The following TRPS1 variants were observed in gnomAD, a reference collection of about 807,000 sequenced individuals.
TRPS1 encodes zinc finger transcription factor Trps1.
TRPS1 carries 6 observed loss-of-function variants against 101.2 expected under a neutral mutation model. That is an observed-to-expected ratio of 0.06 (90% CI 0.03 to 0.12). TRPS1 has a LOEUF of 0.12. TRPS1 is among the 10% of genes least tolerant of loss of function. TRPS1 has a pLI of 1.00. For missense variants in TRPS1, 1,363 were observed against 1,567.0 expected, an observed-to-expected ratio of 0.87 and a Z score of 2.20; for synonymous variants, 578 against 589.8, an observed-to-expected ratio of 0.98 and a Z score of 0.29.
Position 115,418,224 on chromosome 8 carries a change from C to T in TRPS1, c.2823+106G>A. ...TCAAAGTGACTGTATTAAAACAACC[C>T]TGCGGGGGCAGGCACTGCAAGCCAG... On this transcript the variant is annotated intron_variant, in intron 6 of 6. Transcript: ENST00000395715. This position sits in a 1 kb window ranked among gnomAD's most constrained non-coding sequence, Gnocchi z 4.3. The T allele has an allele frequency of 6.3e-7, 1 of 1,595,892 alleles. No individual in the cohort carries two copies. Among genetic ancestry groups the T allele is most frequent in the Non-Finnish European group, 8.6e-7 (1 of 1,165,956 alleles).
chr8:115,505,471 C>T (rs756022331), intron 5 of TRPS1, among the ~76,000 whole-genome samples: 2 of 152,048 alleles, frequency 1.3e-5, no homozygotes, highest in Admixed American at 6.6e-5. Context: ...ACACACTTCA[C>T]CAGTTTTTTA....
chr8:115,542,206 A>C (rs1298583615), intron 5 of TRPS1, among the ~76,000 whole-genome samples: 2 of 152,202 alleles, frequency 1.3e-5, no homozygotes, highest in Non-Finnish European at 2.9e-5. Flanking sequence ...GACTGTGTAC[A>C]CATCAGTCAG....
chr8:115,553,544 AAT>A (rs1208490266), intron 5 of TRPS1, among the ~76,000 whole-genome samples: 2 of 152,170 alleles, frequency 1.3e-5, no homozygotes, highest in Non-Finnish European at 2.9e-5. Flanking sequence ...CGTTTATGAT[AAT>A]ATATGTTATT....
Position 115,411,607 on chromosome 8 carries a change from A to C in TRPS1, c.*2416T>G, listed in dbSNP as rs1812791328. On this transcript the variant is annotated 3_prime_UTR_variant, in exon 7 of 7. Transcript: ENST00000395715. Reference sequence around the variant, plus strand: ...TGGCTATACATTTTGAGATGCATCCATCAAAATTCCTAAGGAAGATAAATT... The same window carrying C: ...TGGCTATACATTTTGAGATGCATCCCTCAAAATTCCTAAGGAAGATAAATT... The C allele has an allele frequency of 6.6e-6, 1 of 152,496 alleles. No homozygotes were observed. Among genetic ancestry groups the C allele is most frequent in the South Asian group, 2.1e-4 (1 of 4,834 alleles). The allele number at this position is 152,496 out of a possible 1,614,324, so 9.4% of individuals were successfully genotyped here.
chr8:115,586,963 C>T, intron 5 of TRPS1, 38 bp downstream of exon 5: 1 of 1,612,584 alleles, frequency 6.2e-7, no homozygotes, highest in African/African-American at 1.3e-5. Context: ...TTTTGCCCTT[C>T]AAAACAAATG....
chr8:115,532,115 T>C (rs1297090489), intron 5 of TRPS1, among the ~76,000 whole-genome samples: 3 of 152,164 alleles, frequency 2.0e-5, no homozygotes, highest in Admixed American at 1.3e-4. Context: ...CAAAACGATA[T>C]ACAGATTAGA....
intron 3 of TRPS1, among the ~76,000 whole-genome samples, chr8:115,615,383 C>T (rs774094513): frequency 9.2e-5 from 14 of 152,178 alleles, no homozygotes; most frequent in Non-Finnish European, 1.6e-4. Context: ...ATGCACAGCG[C>T]ATTACACCCT....
At chr8:115,611,116 CA>C (rs752834152) in intron 3 of TRPS1, among the ~76,000 whole-genome samples, 3,927 of 64,892 alleles carry the variant, frequency 0.061, 104 homozygotes, top group African/African-American at 0.16. Context: ...GACTCCATAT[CA>C]AAAAAAAAAA....
intron 3 of TRPS1, among the ~76,000 whole-genome samples, chr8:115,609,663 T>C (rs1341235223): frequency 6.6e-6 from 1 of 152,078 alleles, no homozygotes; most frequent in East Asian, 1.9e-4. Flanking sequence ...GACTATGGAG[T>C]CCTTTGATTG....
chr8:115,414,891 T>A lies in TRPS1; in HGVS notation c.3017A>T (p.Gln1006Leu), dbSNP rs771107856. The A allele has an allele frequency of 6.2e-7, 1 of 1,612,244 alleles. No individual in the cohort carries two copies. Among genetic ancestry groups the A allele is most frequent in the South Asian group, 1.1e-5 (1 of 90,928 alleles). Residue 1006 changes from glutamine to leucine, a missense_variant, in exon 7 of 7, where the codon CAG becomes CTG. Transcript: ENST00000395715. This position sits in a 1 kb window ranked among gnomAD's most constrained non-coding sequence, Gnocchi z 4.8. ...RSEDHLTESH[Q>L]REIPLPSLSK... ...TAGGCTGGGGAGTGGAATTTCTCTC[T>A]GGTGACTTTCAGTTAGATGATCTTC...
chr8:115,456,820 G>A (rs546620960), intron 5 of TRPS1, among the ~76,000 whole-genome samples: 10 of 151,866 alleles, frequency 6.6e-5, no homozygotes, highest in Non-Finnish European at 1.2e-4. Flanking sequence ...ACCATCTGGG[G>A]TTCAAAATTT....
rs988703341 is a variant in TRPS1 at position 115,612,255 on chromosome 8, G to A, written c.966+6877C>T. The stretch of plus-strand genomic sequence containing the variant: ...ACAAAAAAGAAATCAAAGGAAAGGA[G>A]AGGAAGATGAGGAGGAGGAGGAAAG... On this transcript the variant is annotated intron_variant, in intron 3 of 6. Transcript: ENST00000395715. Among the ~76,000 whole-genome samples the A allele has an allele frequency of 2.0e-5, 3 of 151,994 alleles. No individual in the cohort carries two copies. In the East Asian group the frequency reaches 5.8e-4, roughly 29 times the overall value.
At chr8:115,456,309 T>C (rs1006036954) in intron 5 of TRPS1, among the ~76,000 whole-genome samples, 4 of 152,194 alleles carry the variant, frequency 2.6e-5, no homozygotes, top group Non-Finnish European at 5.9e-5. Flanking sequence ...AATTATTTGC[T>C]TTAAATTCTC....
intron 5 of TRPS1, among the ~76,000 whole-genome samples, chr8:115,455,267 C>T (rs944178807): frequency 5.9e-5 from 9 of 152,258 alleles, no homozygotes; most frequent in African/African-American, 1.7e-4. Context: ...TGTGTACCTC[C>T]GTAAGACATT....
At chr8:115,647,266 A>G (rs947474619) in intron 1 of TRPS1, among the ~76,000 whole-genome samples, 1 of 152,184 alleles carries the variant, frequency 6.6e-6, no homozygotes, top group Non-Finnish European at 1.5e-5. Flanking sequence ...ATATGGCCTT[A>G]CTAATATGGA....
In TRPS1 at chr8:115,452,761, G is replaced by A. The variant is rs1272479782; in HGVS notation, c.2701-34309C>T. On this transcript the variant is annotated intron_variant, in intron 5 of 6. Transcript: ENST00000395715. ...TTTATATAAATGAGATGACATTAGT[G>A]GTGTTTCCTCGAGCACAGATGTAAC... is the stretch of plus-strand genomic sequence containing the variant. 3.9e-5 allele frequency among the ~76,000 whole-genome samples: 6 copies of A among 152,146 alleles called. No individual in the cohort carries two copies. In the Middle Eastern group the frequency reaches 0.02, roughly 518 times the overall value.
At chr8:115,433,105 T>C (rs963384659) in intron 5 of TRPS1, among the ~76,000 whole-genome samples, 5 of 152,000 alleles carry the variant, frequency 3.3e-5, no homozygotes, top group Non-Finnish European at 7.4e-5. Context: ...AATATCACCA[T>C]AAAGTTTGTT....
rs376374945 is a variant in TRPS1 at position 115,545,196 on chromosome 8, C to A, written c.2700+41805G>T. Among the ~76,000 whole-genome samples the A allele has an allele frequency of 1.5e-3, 230 of 152,244 alleles. 9 individuals carry two copies. In the South Asian group the frequency reaches 0.044, roughly 29 times the overall value. On this transcript the variant is annotated intron_variant, in intron 5 of 6. Transcript: ENST00000395715. The stretch of plus-strand genomic sequence containing the variant: ...CTCAGAAACTACTATCAAATGCAGT[C>A]AAGCACAGGAAGAAAGAATACACTG...
rs1381287177 is a variant in TRPS1 at position 115,517,252 on chromosome 8, T to C, written c.2700+69749A>G. On this transcript the variant is annotated intron_variant, in intron 5 of 6. Coordinates refer to ENST00000395715, the MANE Select transcript of TRPS1 (RefSeq NM_014112.5). ...TAGATAGATATCCTAATTACTTTCT[T>C]ATACAAATCATGCAAAAGCTTCACT... 3.3e-5 allele frequency among the ~76,000 whole-genome samples: 5 copies of C among 151,704 alleles called. No individual in the cohort carries two copies. The East Asian group carries it at 7.7e-4, about 23-fold the overall frequency.
Sources: gnomAD v4.1 joint callset for allele counts (sites outside exome capture counted in the v4.1 genomes callset) on GRCh38, gnomAD v4.1.1 for gene constraint, Gnocchi (gnomAD v3.1) non-coding constraint, MANE v1.5 for transcripts, NCBI Gene and HGNC (gene_info 2026-07-23, HGNC 2026-07-21) for gene names.